Variants in ZNF521 observed in about 807,000 individuals in gnomAD.
The protein encoded by ZNF521 is LYST-interacting protein 3.
ZNF521 carries 14 observed loss-of-function variants against 105.5 expected under a neutral mutation model. That is an observed-to-expected ratio of 0.13 (90% CI 0.09 to 0.21). The LOEUF (loss-of-function observed/expected upper bound fraction) is 0.21, where lower values mean the gene tolerates loss of function less well. Among genes scored for constraint, ZNF521 ranks in the 10% least tolerant of loss-of-function variants. ZNF521 has a pLI of 1.00. For missense variants in ZNF521, 1,233 were observed against 1,629.7 expected (o/e 0.76, Z 4.19); for synonymous variants, 635 against 606.0 (o/e 1.05, Z -0.70).
intron 3 of ZNF521, among the ~76,000 whole-genome samples, chr18:25,300,705 T>C (rs963617769): frequency 5.3e-5 from 8 of 151,876 alleles, no homozygotes; most frequent in South Asian, 2.1e-4. Flanking sequence ...ACCAACCTAA[T>C]AGGAACAGTA....
chr18:25,066,771 G>A (rs6508344), intron 7 of ZNF521, among the ~76,000 whole-genome samples: 98,374 of 152,002 alleles, frequency 0.65, 32,640 homozygotes, highest in African/African-American at 0.79. Flanking sequence ...AGCAGAAAGC[G>A]GAAAAATGCT....
At chr18:25,202,364 T>C (rs2036007631) in intron 4 of ZNF521, 1 of 152,202 alleles carries the variant, frequency 6.6e-6, no homozygotes, top group Admixed American at 6.5e-5. Context: ...GCTTATATTA[T>C]ATTCAGTATC....
intron 7 of ZNF521, among the ~76,000 whole-genome samples, chr18:25,067,433 T>G (rs2033098922): frequency 6.6e-6 from 1 of 152,184 alleles, no homozygotes; most frequent in Non-Finnish European, 1.5e-5. Context: ...AAATATGAGA[T>G]GCCTTTCATT....
intron 2 of ZNF521, among the ~76,000 whole-genome samples, chr18:25,325,290 A>C (rs150728346): frequency 6.6e-6 from 1 of 152,294 alleles, no homozygotes; most frequent in South Asian, 2.1e-4. Context: ...TACACTGTCA[A>C]CCATTTCTTT....
intron 2 of ZNF521, among the ~76,000 whole-genome samples, chr18:25,343,502 A>G (rs900687511): frequency 5.3e-5 from 8 of 152,236 alleles, no homozygotes; most frequent in Non-Finnish European, 1.0e-4. Flanking sequence ...GGTTTCACAT[A>G]TACAAAAAAA....
intron 3 of ZNF521, among the ~76,000 whole-genome samples, chr18:25,309,177 T>C (rs1212753544): frequency 1.3e-5 from 2 of 152,162 alleles, no homozygotes; most frequent in Non-Finnish European, 2.9e-5. Flanking sequence ...GGGAAGGGGA[T>C]GCTGTGTTCA....
At chr18:25,082,486 T>C (rs149199792) in intron 7 of ZNF521, 15 of 416,702 alleles carry the variant, frequency 3.6e-5, no homozygotes, top group Middle Eastern at 8.1e-4. Context: ...GAAGAACACA[T>C]GATAAGAGGC....
chr18:25,095,231 C>T (rs2033827609), intron 5 of ZNF521, among the ~76,000 whole-genome samples: 1 of 152,104 alleles, frequency 6.6e-6, no homozygotes, highest in Admixed American at 6.6e-5. Context: ...ATACTATCAG[C>T]ACCTCTATTC....
chr18:25,141,614 A>G (rs984005597), intron 5 of ZNF521, among the ~76,000 whole-genome samples: 7 of 151,924 alleles, frequency 4.6e-5, no homozygotes, highest in African/African-American at 1.7e-4. Flanking sequence ...CAGGATTTAC[A>G]CTCTTTGTAG....
At chr18:25,267,563 G>A (rs995296223) in intron 3 of ZNF521, among the ~76,000 whole-genome samples, 2 of 152,126 alleles carry the variant, frequency 1.3e-5, no homozygotes, top group Admixed American at 6.5e-5. Context: ...CCTCTGGGAC[G>A]AAGCTTCCAG....
intron 5 of ZNF521, among the ~76,000 whole-genome samples, chr18:25,159,464 TA>T (rs1567987578): frequency 6.6e-6 from 1 of 151,800 alleles, no homozygotes; most frequent in South Asian, 2.1e-4. Context: ...AGGGAACATG[TA>T]AAAAACAGGA....
chr18:25,298,473 C>T (rs1158989961), intron 3 of ZNF521, among the ~76,000 whole-genome samples: 1 of 152,180 alleles, frequency 6.6e-6, no homozygotes, highest in Non-Finnish European at 1.5e-5. Context: ...TAAAGTGATG[C>T]AATTACACTA....
intron 5 of ZNF521, among the ~76,000 whole-genome samples, chr18:25,141,604 C>T (rs1422596670): frequency 6.6e-6 from 1 of 152,158 alleles, no homozygotes; most frequent in Non-Finnish European, 1.5e-5. Context: ...ACTTTTACTT[C>T]AGGATTTACA....
chr18:25,113,171 C>A (rs1261050499), intron 5 of ZNF521, among the ~76,000 whole-genome samples: 1 of 152,116 alleles, frequency 6.6e-6, no homozygotes, highest in Non-Finnish European at 1.5e-5. Context: ...CTGGCTCTAC[C>A]CTATCATCCC....
intron 2 of ZNF521, among the ~76,000 whole-genome samples, chr18:25,338,941 G>C (rs1914048373): frequency 6.6e-6 from 1 of 152,194 alleles, no homozygotes; most frequent in Admixed American, 6.5e-5. Context: ...CAAGTATTTA[G>C]AGAGCATTCT....
intron 4 of ZNF521, among the ~76,000 whole-genome samples, chr18:25,210,456 A>C (rs530481203): frequency 2.6e-5 from 4 of 152,304 alleles, no homozygotes; most frequent in African/African-American, 9.6e-5. Flanking sequence ...TATGTAATAC[A>C]ATGTTTAATT....
At chr18:25,104,274 C>G (rs530128269) in intron 5 of ZNF521, among the ~76,000 whole-genome samples, 5 of 152,098 alleles carry the variant, frequency 3.3e-5, no homozygotes, top group Non-Finnish European at 5.9e-5. Flanking sequence ...TAATGACTCT[C>G]CTAACACAAA....
At chr18:25,270,987 C>T (rs1909621391) in intron 3 of ZNF521, among the ~76,000 whole-genome samples, 1 of 152,208 alleles carries the variant, frequency 6.6e-6, no homozygotes, top group South Asian at 2.1e-4. Context: ...GTCAAATTGT[C>T]TCTGTTTGCT....
chr18:25,335,987 G>A (rs1913857632), intron 2 of ZNF521, among the ~76,000 whole-genome samples: 1 of 152,128 alleles, frequency 6.6e-6, no homozygotes, highest in Non-Finnish European at 1.5e-5. Flanking sequence ...AAGTTAAGGG[G>A]AAATTAAAAC....
Sources: gnomAD v4.1 joint callset for allele counts (sites outside exome capture counted in the v4.1 genomes callset) on GRCh38, gnomAD v4.1.1 for gene constraint, MANE v1.5 for transcripts, NCBI Gene and HGNC (gene_info 2026-07-23, HGNC 2026-07-21) for gene names.